The following RCAN2 variants were observed in gnomAD, a reference collection of about 807,000 sequenced individuals.
RCAN2 encodes the protein regulator of calcineurin 2.
RCAN2 carries 9 observed loss-of-function variants against 23.6 expected under a neutral mutation model. That is an observed-to-expected ratio of 0.38 (90% CI 0.23 to 0.67). RCAN2 has a LOEUF of 0.67. Among genes scored for constraint, RCAN2 ranks in the 30% least tolerant of loss-of-function variants. The pLI is 0.51. For synonymous variants in RCAN2, 109 were observed against 115.7 expected (o/e 0.94, Z 0.37); for missense variants, 273 against 302.3 (o/e 0.90, Z 0.72).
intron 2 of RCAN2, among the ~76,000 whole-genome samples, chr6:46,273,437 A>G (rs1767582072): frequency 6.6e-6 from 1 of 152,200 alleles, no homozygotes; most frequent in Non-Finnish European, 1.5e-5. Context: ...GATATTGATT[A>G]TATCATTGAT....
chr6:46,444,799 G>A (rs931094591), intron 2 of RCAN2, among the ~76,000 whole-genome samples: 1 of 152,058 alleles, frequency 6.6e-6, no homozygotes, highest in African/African-American at 2.4e-5. Context: ...ACAGAGCTAG[G>A]CTCCAGGACC....
At chr6:46,384,153 T>C (rs1352471859) in intron 2 of RCAN2, among the ~76,000 whole-genome samples, 4 of 152,200 alleles carry the variant, frequency 2.6e-5, no homozygotes, top group African/African-American at 9.6e-5. Context: ...CAGCACCTTT[T>C]CCCCACTCTC....
chr6:46,388,062 T>C (rs920153043), intron 2 of RCAN2, among the ~76,000 whole-genome samples: 1 of 151,776 alleles, frequency 6.6e-6, no homozygotes, highest in African/African-American at 2.4e-5. Flanking sequence ...ATGAGAACAC[T>C]TGGACCCAGG....
At chr6:46,487,315 AG>A (rs1561924991) in intron 1 of RCAN2, among the ~76,000 whole-genome samples, 1 of 152,222 alleles carries the variant, frequency 6.6e-6, no homozygotes, top group Non-Finnish European at 1.5e-5. Flanking sequence ...ACATTTTGGA[AG>A]TTATTTAATG....
At chr6:46,224,283 C>T (rs1171914684) in intron 4 of RCAN2, among the ~76,000 whole-genome samples, 7 of 152,148 alleles carry the variant, frequency 4.6e-5, no homozygotes, top group Non-Finnish European at 7.4e-5. Context: ...TAATCCTCTC[C>T]GGACATCCCA....
intron 2 of RCAN2, among the ~76,000 whole-genome samples, chr6:46,447,777 T>C (rs1767756040): frequency 1.3e-5 from 2 of 151,670 alleles, no homozygotes; most frequent in Non-Finnish European, 3.0e-5. Flanking sequence ...TTTAAAAATA[T>C]CTTGAGACAA....
chr6:46,468,724 A>T, intron 1 of RCAN2: 2 of 648,270 alleles, frequency 3.1e-6, no homozygotes, highest in Non-Finnish European at 3.8e-6. Flanking sequence ...TAATACCCTC[A>T]GATTCCCTCT....
chr6:46,485,943 A>G (rs1290921848), intron 1 of RCAN2, among the ~76,000 whole-genome samples: 1 of 152,236 alleles, frequency 6.6e-6, no homozygotes, highest in African/African-American at 2.4e-5. Flanking sequence ...TTCTTAATGC[A>G]TTATATAAAT....
intron 2 of RCAN2, among the ~76,000 whole-genome samples, chr6:46,305,960 G>A (rs773754832): frequency 9.3e-5 from 14 of 149,774 alleles, no homozygotes; most frequent in African/African-American, 2.2e-4. Flanking sequence ...TATGCCTGGC[G>A]TCAGTCCTGG....
At chr6:46,439,032 T>A (rs1582202614) in intron 2 of RCAN2, among the ~76,000 whole-genome samples, 1 of 152,230 alleles carries the variant, frequency 6.6e-6, no homozygotes, top group East Asian at 1.9e-4. Context: ...TTCAGGGTTA[T>A]GTTCATTAAA....
At chr6:46,479,846 G>A (rs1450024713) in intron 1 of RCAN2, among the ~76,000 whole-genome samples, 2 of 152,084 alleles carry the variant, frequency 1.3e-5, no homozygotes, top group African/African-American at 4.8e-5. Context: ...CTCCCAAAGT[G>A]CTGGGATTAC....
intron 2 of RCAN2, among the ~76,000 whole-genome samples, chr6:46,449,153 C>A (rs1582210850): frequency 6.6e-6 from 1 of 151,614 alleles, no homozygotes; most frequent in Non-Finnish European, 1.5e-5. Context: ...AACCAAAATA[C>A]AAAAATCAGT....
At chr6:46,314,541 CAGTT>C (rs1295291808) in intron 2 of RCAN2, among the ~76,000 whole-genome samples, 1 of 151,470 alleles carries the variant, frequency 6.6e-6, no homozygotes, top group Non-Finnish European at 1.5e-5. Flanking sequence ...AAACTGAACT[CAGTT>C]GGGCAATTAA....
intron 2 of RCAN2, among the ~76,000 whole-genome samples, chr6:46,383,318 G>A (rs1765660289): frequency 6.6e-6 from 1 of 151,992 alleles, no homozygotes; most frequent in South Asian, 2.1e-4. Context: ...GAAAGAAGTG[G>A]AGGAGGAAGC....
chr6:46,294,507 G>C (rs1462266450), intron 2 of RCAN2, among the ~76,000 whole-genome samples: 2 of 152,064 alleles, frequency 1.3e-5, no homozygotes, highest in Non-Finnish European at 2.9e-5. Flanking sequence ...AAAGATTTAA[G>C]CACAATTTTT....
intron 3 of RCAN2, among the ~76,000 whole-genome samples, chr6:46,247,926 C>G (rs780370694): frequency 3.9e-5 from 6 of 152,102 alleles, no homozygotes; most frequent in Non-Finnish European, 7.4e-5. Context: ...ATTTTAAAGA[C>G]GAGGAAACTG....
chr6:46,396,004 A>C (rs947937455), intron 2 of RCAN2, among the ~76,000 whole-genome samples: 4 of 152,150 alleles, frequency 2.6e-5, no homozygotes, highest in Admixed American at 2.6e-4. Flanking sequence ...AACATATTTC[A>C]AGCTTTACCT....
At chr6:46,240,365 G>A (rs1766262936) in intron 4 of RCAN2, among the ~76,000 whole-genome samples, 1 of 152,126 alleles carries the variant, frequency 6.6e-6, no homozygotes, top group East Asian at 1.9e-4. Context: ...TGTAAATTTA[G>A]AAAAGGAAGT....
intron 4 of RCAN2, among the ~76,000 whole-genome samples, chr6:46,224,908 T>C (rs1765604162): frequency 1.3e-5 from 2 of 151,970 alleles, no homozygotes; most frequent in Middle Eastern, 3.2e-3. Context: ...CATTTACATA[T>C]CTCCTAATGC....
Sources: gnomAD v4.1 joint callset for allele counts (sites outside exome capture counted in the v4.1 genomes callset) on GRCh38, gnomAD v4.1.1 for gene constraint, MANE v1.5 for transcripts, NCBI Gene and HGNC (gene_info 2026-07-23, HGNC 2026-07-21) for gene names.